CFAP157: variants seen among roughly 807,000 people sequenced by gnomAD.
CFAP157 encodes cilia- and flagella-associated protein 157.
CFAP157 carries 43 observed loss-of-function variants against 57.8 expected under a neutral mutation model. The observed-to-expected ratio is 0.74, with a 90% CI of 0.58 to 0.96. CFAP157 has a LOEUF of 0.96. Among genes scored for constraint, CFAP157 ranks in the 40% least tolerant of loss-of-function variants. The pLI, the probability that CFAP157 is intolerant of heterozygous loss-of-function variation, is 0.00. For missense variants in CFAP157, 606 were observed against 655.3 expected (o/e 0.92, Z 0.82); for synonymous variants, 267 against 269.0 (o/e 0.99, Z 0.07).
At position 127,715,856 on chromosome 9, in the gene CFAP157, G is replaced by T; in HGVS notation, c.*1951G>T. On this transcript the variant is annotated 3_prime_UTR_variant, in exon 9 of 9. Coordinates refer to ENST00000373295, the MANE Select transcript of CFAP157 (RefSeq NM_001012502.3). The surrounding 1 kb of genome is among the most constrained non-coding windows in gnomAD (Gnocchi z 5.8). ...GTCACAGTGTCCCTTCGGGACTTGTGTGGGACGCTCGGAGCTCTTGCTTGA... is the reference window on the plus strand; with the variant it reads ...GTCACAGTGTCCCTTCGGGACTTGTTTGGGACGCTCGGAGCTCTTGCTTGA... 1 of 945,040 alleles carries T rather than the reference G, an allele frequency of 1.1e-6. No homozygotes were observed. Among genetic ancestry groups the T allele is most frequent in the Non-Finnish European group, 1.6e-6 (1 of 638,520 alleles). 58.5% of individuals were successfully genotyped at this position (945,040 alleles called of 1,614,324 possible). A position where few individuals can be genotyped will look rare whatever the true frequency, so the allele number is the denominator to read the frequency against.
Position 127,715,030 on chromosome 9 carries a change from G to A in CFAP157, c.*1125G>A. Reference sequence around the variant, plus strand: ...TCATAAGCCGCCGTGGCCGGAGCAGGACCAGTTGGGCATCCCCCAGCGGGG... The same window carrying A: ...TCATAAGCCGCCGTGGCCGGAGCAGAACCAGTTGGGCATCCCCCAGCGGGG... On this transcript the variant is annotated 3_prime_UTR_variant, in exon 9 of 9. Transcript: ENST00000373295. This position sits in a 1 kb window ranked among gnomAD's most constrained non-coding sequence, Gnocchi z 5.8. The A allele has an allele frequency of 6.6e-7, 1 of 1,521,692 alleles. No homozygotes were observed. The highest frequency in any genetic ancestry group is 8.8e-7 in the Non-Finnish European group (1 of 1,140,614). 94.3% of individuals were successfully genotyped at this position (1,521,692 alleles called of 1,614,324 possible).
chr9:127,713,837 C>G lies in CFAP157; in HGVS notation c.1495C>G (p.Arg499Gly), dbSNP rs752171285. 6.2e-7 allele frequency: 1 copy of G among 1,613,594 alleles called. No homozygotes were observed. The highest frequency in any genetic ancestry group is 1.1e-5 in the South Asian group (1 of 91,056). ...TFRAHSSPEM[R>G]APGSLKRLEK... is the part of the protein sequence containing the mutation. ...GCCAGCATCTTTAATCTTACAGATG[C>G]GTGCCCCTGGTTCTCTAAAAAGGCT... The change falls in exon 9 of 9, where the codon CGT becomes GGT. Residue 499 changes from arginine (R) to glycine (G), a missense_variant. Arg to Gly is a moderately radical substitution (Grantham distance 125, BLOSUM62 -2). Transcript: ENST00000373295.
Position 127,714,568 on chromosome 9 carries a change from GC to G in CFAP157, c.*666del. 1.2e-6 allele frequency: 2 copies of G among 1,603,744 alleles called. No homozygotes were observed. The highest frequency in any genetic ancestry group is 1.7e-4 in the Middle Eastern group (1 of 6,046). ...CTCCACCCCAACTGGGAGGCCTGAA[GC>G]CCTATCCCAACCCTGACCATCTCAG... is the stretch of plus-strand genomic sequence containing the variant. On this transcript the variant is annotated 3_prime_UTR_variant, in exon 9 of 9. Coordinates refer to ENST00000373295, the MANE Select transcript of CFAP157 (RefSeq NM_001012502.3).
Position 127,711,933 on chromosome 9 carries a change from G to T in CFAP157, c.969G>T (p.Val323=). The T allele has an allele frequency of 6.2e-7, 1 of 1,606,130 alleles. No individual in the cohort carries two copies. The highest frequency in any genetic ancestry group is 8.5e-7 in the Non-Finnish European group (1 of 1,177,660). Residue 323 remains valine (V), a synonymous_variant, in exon 5 of 9, where the codon GTG becomes GTT. Coordinates refer to ENST00000373295, the MANE Select transcript of CFAP157 (RefSeq NM_001012502.3). ...QLEQRSLQLQ[V]DNQALKSQRD... ...AGCAGAGATCCCTGCAGCTGCAGGTGGATAACCAGGCACTGAAGTGCGTAT... is the reference window on the plus strand; with the variant it reads ...AGCAGAGATCCCTGCAGCTGCAGGTTGATAACCAGGCACTGAAGTGCGTAT...
In CFAP157 at chr9:127,714,875, G is replaced by T; in HGVS notation, c.*970G>T. 1.8e-6 allele frequency: 2 copies of T among 1,128,526 alleles called. No homozygotes were observed. The highest frequency in any genetic ancestry group is 1.5e-5 in the African/African-American group (1 of 64,624). The allele number at this position is 1,128,526 out of a possible 1,614,324, so 69.9% of individuals were successfully genotyped here. On this transcript the variant is annotated 3_prime_UTR_variant, in exon 9 of 9. Transcript: ENST00000373295. Reference sequence around the variant, plus strand: ...TGGAGCTCAACAGGTACTTGGAGGTGAACCCGCGGATCTGTCACAGCCAGT... The same window carrying T: ...TGGAGCTCAACAGGTACTTGGAGGTTAACCCGCGGATCTGTCACAGCCAGT...
chr9:127,715,784 G>C lies in CFAP157; in HGVS notation c.*1879G>C. On this transcript the variant is annotated 3_prime_UTR_variant, in exon 9 of 9. Transcript: ENST00000373295. The surrounding 1 kb of genome is among the most constrained non-coding windows in gnomAD (Gnocchi z 5.8). ...CATGCTTCTGAGGGGCGGAAGCGGCGAGGCGGTGGCCGAGTCCGGGAACCC... is the reference window on the plus strand; with the variant it reads ...CATGCTTCTGAGGGGCGGAAGCGGCCAGGCGGTGGCCGAGTCCGGGAACCC... 1 of 1,481,982 alleles carries C rather than the reference G, an allele frequency of 6.7e-7. No individual in the cohort carries two copies. The highest frequency in any genetic ancestry group is 9.0e-7 in the Non-Finnish European group (1 of 1,115,058). The allele number at this position is 1,481,982 out of a possible 1,614,324, so 91.8% of individuals were successfully genotyped here.
intron 4 of CFAP157, 139 bp from the exon 5 acceptor site, chr9:127,711,681 C>A: frequency 8.5e-7 from 1 of 1,173,606 alleles, no homozygotes; most frequent in Non-Finnish European, 1.2e-6. Context: ...TATTTAAAGC[C>A]CCCATAACTT....
intron 1 of CFAP157, among the ~76,000 whole-genome samples, chr9:127,708,423 G>A (rs2131584400): frequency 6.6e-6 from 1 of 152,268 alleles, no homozygotes; most frequent in South Asian, 2.1e-4. Context: ...GTTGCAGAGA[G>A]CCGAGATCGT....
chr9:127,709,410 C>T lies in CFAP157; in HGVS notation c.162-12C>T. 6.2e-7 allele frequency: 1 copy of T among 1,611,580 alleles called. No homozygotes were observed. ...GCCTGACCCCTGGACCACGGCTCTGCCCCTGCCCCAGGTACCAGCGGAAGT... is the reference window on the plus strand; with the variant it reads ...GCCTGACCCCTGGACCACGGCTCTGTCCCTGCCCCAGGTACCAGCGGAAGT... On this transcript the variant is annotated splice_polypyrimidine_tract_variant and intron_variant, in intron 1 of 8. Coordinates refer to ENST00000373295, the MANE Select transcript of CFAP157 (RefSeq NM_001012502.3). The surrounding 1 kb of genome is among the most constrained non-coding windows in gnomAD (Gnocchi z 4.7).
In CFAP157 at chr9:127,715,585, G is replaced by A. The variant is rs767941897; in HGVS notation, c.*1680G>A. On this transcript the variant is annotated 3_prime_UTR_variant, in exon 9 of 9. Coordinates refer to ENST00000373295, the MANE Select transcript of CFAP157 (RefSeq NM_001012502.3). The surrounding 1 kb of genome is among the most constrained non-coding windows in gnomAD (Gnocchi z 5.8). ...GGGGGGCGAGGCTCCAAAACACATC[G>A]GCTCATGGCTCTACTCAGCCGCTGT... 7.4e-6 allele frequency: 12 copies of A among 1,613,270 alleles called. No homozygotes were observed. The highest frequency in any genetic ancestry group is 9.3e-6 in the Non-Finnish European group (11 of 1,180,030).
In CFAP157 at chr9:127,709,498, A is replaced by G. The variant is rs539770707; in HGVS notation, c.238A>G (p.Lys80Glu). The G allele has an allele frequency of 8.7e-6, 14 of 1,614,036 alleles. No homozygotes were observed. In the East Asian group the frequency reaches 3.1e-4, roughly 36 times the overall value. Reference protein sequence around the residue: ...RQEFEQLANNKKEIVAFLKRT... With the variant: ...RQEFEQLANNEKEIVAFLKRT... ...GGAGTTTGAGCAGCTGGCCAATAACAAGAAGGAGATTGTGGCCTTCCTCAA... is the reference window on the plus strand; with the variant it reads ...GGAGTTTGAGCAGCTGGCCAATAACGAGAAGGAGATTGTGGCCTTCCTCAA... The change falls in exon 2 of 9, where the codon AAG becomes GAG. Residue 80 changes from lysine (K) to glutamate (E), a missense_variant. Physicochemically the swap from Lys to Glu is moderately conservative, Grantham distance 56 (BLOSUM62 1). Transcript: ENST00000373295. This position sits in a 1 kb window ranked among gnomAD's most constrained non-coding sequence, Gnocchi z 4.7.
chr9:127,713,819 T>A lies in CFAP157; in HGVS notation c.1492-15T>A. 1 of 1,613,074 alleles carries A rather than the reference T, an allele frequency of 6.2e-7. No homozygotes were observed. The highest frequency in any genetic ancestry group is 8.5e-7 in the Non-Finnish European group (1 of 1,179,378). Reference sequence around the variant, plus strand: ...ACTGCACCCGGCCTCCAAGCCAGCATCTTTAATCTTACAGATGCGTGCCCC... The same window carrying A: ...ACTGCACCCGGCCTCCAAGCCAGCAACTTTAATCTTACAGATGCGTGCCCC... On this transcript the variant is annotated splice_polypyrimidine_tract_variant and intron_variant, in intron 8 of 8. Transcript: ENST00000373295.
At chr9:127,710,802 G>T in intron 3 of CFAP157, 48 bp downstream of exon 3, 1 of 1,544,988 alleles carries the variant, frequency 6.5e-7, no homozygotes, top group Non-Finnish European at 8.8e-7. Flanking sequence ...TTCATCCCTG[G>T]GGCTACGAAC....
At chr9:127,708,345 C>T (rs560496024) in intron 1 of CFAP157, among the ~76,000 whole-genome samples, 46 of 152,026 alleles carry the variant, frequency 3.0e-4, no homozygotes, top group Non-Finnish European at 6.3e-4. Flanking sequence ...GGCATGGTGG[C>T]GGGCGCCTGT....
chr9:127,713,336 A>T, intron 8 of CFAP157, 130 bp downstream of exon 8: 1 of 717,628 alleles, frequency 1.4e-6, no homozygotes, highest in Non-Finnish European at 2.2e-6. Context: ...CCCATCTGTA[A>T]AATGGGCTGA....
chr9:127,714,115 G>T lies in CFAP157; in HGVS notation c.*210G>T. 1 of 1,613,148 alleles carries T rather than the reference G, an allele frequency of 6.2e-7. No individual in the cohort carries two copies. The highest frequency in any genetic ancestry group is 8.5e-7 in the Non-Finnish European group (1 of 1,179,794). ...GCCACTAGTGTCACGGCCCCAGTGA[G>T]GGCCCCTGGCTTCGCTCACGGATGT... On this transcript the variant is annotated 3_prime_UTR_variant, in exon 9 of 9. Transcript: ENST00000373295.
At chr9:127,711,797 T>A in intron 4 of CFAP157, 23 bp from the exon 5 acceptor site, 1 of 1,550,630 alleles carries the variant, frequency 6.4e-7, no homozygotes, top group South Asian at 1.2e-5. Flanking sequence ...GCTGAGGGCA[T>A]GGCCACCTGT....
chr9:127,707,011 G>C lies in CFAP157; in HGVS notation c.-21G>C. On this transcript the variant is annotated 5_prime_UTR_variant, in exon 1 of 9. Coordinates refer to ENST00000373295, the MANE Select transcript of CFAP157 (RefSeq NM_001012502.3). Reference sequence around the variant, plus strand: ...CCACCTGGCCTCTTCCTGGGGCCTGGAGCCCTGGTTGCCATCAGCCATGGC... The same window carrying C: ...CCACCTGGCCTCTTCCTGGGGCCTGCAGCCCTGGTTGCCATCAGCCATGGC... 6.2e-7 allele frequency: 1 copy of C among 1,612,690 alleles called. No individual in the cohort carries two copies. Among genetic ancestry groups the C allele is most frequent in the Non-Finnish European group, 8.5e-7 (1 of 1,179,292 alleles).
At chr9:127,713,682 T>A (rs1357398559) in intron 8 of CFAP157, 152 bp from the exon 9 acceptor site, 1 of 562,436 alleles carries the variant, frequency 1.8e-6, no homozygotes, top group Non-Finnish European at 3.2e-6. Flanking sequence ...ACTTTTTGTA[T>A]TTTTAGTAGA....
Sources: allele counts gnomAD v4.1 joint callset (sites outside exome capture counted in the v4.1 genomes callset), GRCh38; gene constraint gnomAD v4.1.1; non-coding constraint Gnocchi (gnomAD v3.1); transcripts MANE v1.5; gene names NCBI Gene and HGNC (gene_info 2026-07-23, HGNC 2026-07-21).